CACNA2D4: variants seen among roughly 807,000 people sequenced by gnomAD.
CACNA2D4 encodes voltage-dependent calcium channel subunit alpha-2/delta-4.
In CACNA2D4, 157 loss-of-function variants were observed where a neutral mutation model predicts 163.8. The observed-to-expected ratio is 0.96, with a 90% CI of 0.84 to 1.09. The LOEUF (loss-of-function observed/expected upper bound fraction) is 1.09. Among genes scored for constraint, CACNA2D4 ranks in the 50% least tolerant of loss-of-function variants. The probability of loss-of-function intolerance (pLI) is 0.00; values close to 1 mark genes in which losing one functional copy is unlikely to be tolerated. For missense variants in CACNA2D4, 1,410 were observed against 1,479.9 expected (o/e 0.95, Z 0.78); for synonymous variants, 598 against 586.9 (o/e 1.02, Z -0.27).
Position 1,884,839 on chromosome 12 carries a change from T to C in CACNA2D4, c.1201A>G (p.Met401Val). The C allele has an allele frequency of 2.5e-6, 4 of 1,613,888 alleles. No homozygotes were observed. The highest frequency in any genetic ancestry group is 3.4e-6 in the Non-Finnish European group (4 of 1,179,848). ...KQGSLCNQAI[M>V]LISDGAVEDY... Reference sequence around the variant, plus strand: ...TCCACGGCGCCGTCGCTGATGAGCATGATGGCCTGGTTGCAGAGGCTTCCT... The same window carrying C: ...TCCACGGCGCCGTCGCTGATGAGCACGATGGCCTGGTTGCAGAGGCTTCCT... Residue 401 changes from methionine (M) to valine (V), a missense_variant, in exon 11 of 38, where the codon ATG (methionine) becomes GTG (valine). Physicochemically the swap from Met to Val is conservative, Grantham distance 21. Coordinates refer to ENST00000382722, the MANE Select transcript of CACNA2D4 (RefSeq NM_172364.5).
chr12:1,827,488 C>T (rs1392758881), intron 26 of CACNA2D4: 1 of 152,870 alleles, frequency 6.5e-6, no homozygotes, highest in African/African-American at 2.4e-5. Flanking sequence ...CTATTCACCT[C>T]TGCGTGGGCG....
Position 1,879,791 on chromosome 12 carries a change from A to C in CACNA2D4, c.1563+13T>G. The C allele has an allele frequency of 6.3e-7, 1 of 1,585,840 alleles. No individual in the cohort carries two copies. Among genetic ancestry groups the C allele is most frequent in the Non-Finnish European group, 8.6e-7 (1 of 1,164,432 alleles). On this transcript the variant is annotated intron_variant, in intron 14 of 37. Transcript: ENST00000382722. ...TAATCCCTGCTACAACGTCTCCAGG[A>C]GCGGCCACTCACCGTTTCGTTCTTC...
chr12:1,845,566 G>A (rs1384359749), intron 24 of CACNA2D4, among the ~76,000 whole-genome samples: 6 of 152,268 alleles, frequency 3.9e-5, no homozygotes, highest in Admixed American at 6.5e-5. Flanking sequence ...GGTGGGAGGC[G>A]AGGAGAGTAG....
intron 23 of CACNA2D4, among the ~76,000 whole-genome samples, chr12:1,850,402 G>A (rs1335701990): frequency 6.6e-6 from 1 of 152,122 alleles, no homozygotes; most frequent in Non-Finnish European, 1.5e-5. Context: ...CCTCTGAACT[G>A]TTCGTATTTC....
At chr12:1,870,950 C>A (rs1360431482) in intron 18 of CACNA2D4, among the ~76,000 whole-genome samples, 1 of 152,194 alleles carries the variant, frequency 6.6e-6, no homozygotes, top group Non-Finnish European at 1.5e-5. Context: ...GTACTCTAGC[C>A]CTGTGTTCCT....
chr12:1,827,999 C>T (rs531940617), intron 26 of CACNA2D4: 19 of 558,902 alleles, frequency 3.4e-5, no homozygotes, highest in Non-Finnish European at 4.8e-5. Flanking sequence ...AAAGAGACAC[C>T]CGGGCCCTCT....
At chr12:1,877,395 C>A (rs1370046145) in intron 16 of CACNA2D4, among the ~76,000 whole-genome samples, 15 of 152,316 alleles carry the variant, frequency 9.8e-5, no homozygotes, top group Admixed American at 9.8e-4. Flanking sequence ...GTTATGGGCT[C>A]AGATGCTTGC....
chr12:1,863,332 T>C (rs1865564478), intron 18 of CACNA2D4, among the ~76,000 whole-genome samples: 1 of 152,256 alleles, frequency 6.6e-6, no homozygotes. Flanking sequence ...ATTGTAGCTT[T>C]ATAGTAAGTT....
chr12:1,875,400 C>A lies in CACNA2D4; in HGVS notation c.1720-63G>T, dbSNP rs146220454. On this transcript the variant is annotated intron_variant, in intron 16 of 37. Transcript: ENST00000382722. This position sits in a 1 kb window ranked among gnomAD's most constrained non-coding sequence, Gnocchi z 4.0. ...GTATACGTCCTGCTCAAGTTTATCT[C>A]TTCTACAAAGCCTTTCAGGTATATT... 5.1e-5 allele frequency: 52 copies of A among 1,028,288 alleles called. No individual in the cohort carries two copies. In the East Asian group the frequency reaches 1.2e-3, roughly 24 times the overall value. The allele number at this position is 1,028,288 out of a possible 1,614,324, so 63.7% of individuals were successfully genotyped here. A position where few individuals can be genotyped will look rare whatever the true frequency, so the allele number is the denominator to read the frequency against.
At chr12:1,908,563 C>T (rs866781715) in intron 4 of CACNA2D4, among the ~76,000 whole-genome samples, 7 of 152,082 alleles carry the variant, frequency 4.6e-5, no homozygotes, top group Non-Finnish European at 8.8e-5. Context: ...GCCCCGGCCC[C>T]GTTTCCTCCA....
At chr12:1,914,204 G>C (rs138324821) in intron 2 of CACNA2D4, among the ~76,000 whole-genome samples, 288 of 152,324 alleles carry the variant, frequency 1.9e-3, no homozygotes, top group Non-Finnish European at 3.3e-3. Context: ...TTGGTGGTGG[G>C]AATGAAATCA....
chr12:1,801,517 C>T (rs1311993955), intron 30 of CACNA2D4, 57 bp downstream of exon 30: 2 of 1,338,550 alleles, frequency 1.5e-6, no homozygotes, highest in Non-Finnish European at 2.1e-6. Flanking sequence ...GACCACTTAG[C>T]GTCAGCTCTC....
chr12:1,831,658 G>C, intron 26 of CACNA2D4: 1 of 722,708 alleles, frequency 1.4e-6, no homozygotes, highest in Non-Finnish European at 2.2e-6. Context: ...CTGCCTCTGT[G>C]CCAGCTCGGC....
rs186998620 is a variant in CACNA2D4 at position 1,793,767 on chromosome 12, C to T, written c.3310-8G>A. ...GCAGTCCTGGGCATTCTCCTGCGAA[C>T]GCAGAGCAGAGGTGACAGCGCGGCG... On this transcript the variant is annotated splice_region_variant and splice_polypyrimidine_tract_variant and intron_variant, in intron 37 of 37. Coordinates refer to ENST00000382722, the MANE Select transcript of CACNA2D4 (RefSeq NM_172364.5). The T allele has an allele frequency of 3.7e-3, 5,941 of 1,611,664 alleles. 337 individuals carry two copies. In the Admixed American group the frequency reaches 0.093, roughly 25 times the overall value.
chr12:1,864,272 G>C (rs1240683234), intron 18 of CACNA2D4, among the ~76,000 whole-genome samples: 1 of 152,164 alleles, frequency 6.6e-6, no homozygotes, highest in African/African-American at 2.4e-5. Context: ...AACCAACCCC[G>C]GACATTTTAA....
At chr12:1,822,624 G>A (rs1237890945) in intron 26 of CACNA2D4, among the ~76,000 whole-genome samples, 2 of 152,252 alleles carry the variant, frequency 1.3e-5, no homozygotes, top group African/African-American at 4.8e-5. Flanking sequence ...CAAGGAAACG[G>A]GGGTGCAGGA....
At chr12:1,902,048 A>T (rs914907849) in intron 6 of CACNA2D4, among the ~76,000 whole-genome samples, 1 of 152,158 alleles carries the variant, frequency 6.6e-6, no homozygotes, top group Admixed American at 6.5e-5. Context: ...CCATGCAAAG[A>T]TGTTTCAACA....
chr12:1,912,863 G>A (rs932353561), intron 3 of CACNA2D4, among the ~76,000 whole-genome samples, 160 bp downstream of exon 3: 3 of 152,126 alleles, frequency 2.0e-5, no homozygotes, highest in African/African-American at 7.2e-5. Context: ...TTCTTGGAGT[G>A]AGGGTTCTTT....
At chr12:1,841,494 A>G (rs1181815621) in intron 25 of CACNA2D4, among the ~76,000 whole-genome samples, 2 of 152,230 alleles carry the variant, frequency 1.3e-5, no homozygotes, top group Non-Finnish European at 2.9e-5. Flanking sequence ...TGCACAGTTT[A>G]GAGGGCAGTT....
Sources: gnomAD v4.1 joint callset for allele counts (sites outside exome capture counted in the v4.1 genomes callset) on GRCh38, gnomAD v4.1.1 for gene constraint, Gnocchi (gnomAD v3.1) non-coding constraint, MANE v1.5 for transcripts, NCBI Gene and HGNC (gene_info 2026-07-23, HGNC 2026-07-21) for gene names.